The following TUBA8 variants were observed in gnomAD, a reference collection of about 807,000 sequenced individuals.
The protein encoded by TUBA8 is tubulin alpha-8 chain.
A neutral mutation model predicts 34.7 loss-of-function variants in TUBA8; 29 were observed. The ratio of observed to expected loss-of-function variants is 0.84; its 90% CI spans 0.62 to 1.14. The LOEUF is 1.14. Ranked by LOEUF, TUBA8 falls within the 50% of genes most tolerant of loss-of-function variation. The pLI, the probability that TUBA8 is intolerant of heterozygous loss-of-function variation, is 0.00. For missense variants in TUBA8, 541 were observed against 599.2 expected (o/e 0.90, Z 1.01); for synonymous variants, 226 against 231.2 (o/e 0.98, Z 0.21).
chr22:18,112,886 A>G (rs1350696317), intron 1 of TUBA8: 1 of 152,228 alleles, frequency 6.6e-6, no homozygotes, highest in African/African-American at 2.4e-5. Context: ...AAAATGACAC[A>G]TCTATAAACC....
intron 2 of TUBA8, chr22:18,123,113 A>C (rs796284374): frequency 1.6e-4 from 21 of 132,278 alleles, no homozygotes; most frequent in Middle Eastern, 3.9e-3. Context: ...CCGTCTCCAA[A>C]AAAAAAAAAA....
Position 18,126,270 on chromosome 22 carries a change from A to C in TUBA8, c.376-84A>C. 10 of 1,287,024 alleles carry C rather than the reference A, an allele frequency of 7.8e-6. No individual in the cohort carries two copies. Among genetic ancestry groups the C allele is most frequent in the Non-Finnish European group, 1.1e-5 (10 of 888,354 alleles). 79.7% of individuals were successfully genotyped at this position (1,287,024 alleles called of 1,614,324 possible). A position where few individuals can be genotyped will look rare whatever the true frequency, so the allele number is the denominator to read the frequency against. On this transcript the variant is annotated intron_variant, in intron 3 of 4. Coordinates refer to ENST00000330423, the MANE Select transcript of TUBA8 (RefSeq NM_018943.3). This position sits in a 1 kb window ranked among gnomAD's most constrained non-coding sequence, Gnocchi z 4.0. Reference sequence around the variant, plus strand: ...ATCCACAAAAAAATATGAGGCAGACAGAGTGGGCGGTCTGGCTTTTTTACT... The same window carrying C: ...ATCCACAAAAAAATATGAGGCAGACCGAGTGGGCGGTCTGGCTTTTTTACT...
intron 2 of TUBA8, 191 bp from the exon 3 acceptor site, chr22:18,123,965 T>TG: frequency 1.5e-6 from 1 of 670,978 alleles, no homozygotes. Flanking sequence ...CCACAGGCCT[T>TG]GGCTCTGTTA....
Position 18,119,641 on chromosome 22 carries a change from T to C in TUBA8, c.4-1838T>C, listed in dbSNP as rs755607502. 4.6e-5 allele frequency: 7 copies of C among 152,104 alleles called. No individual in the cohort carries two copies. The highest frequency in any genetic ancestry group is 1.0e-4 in the Non-Finnish European group (7 of 68,086). 9.4% of individuals were successfully genotyped at this position (152,104 alleles called of 1,614,324 possible). A position where few individuals can be genotyped will look rare whatever the true frequency, so the allele number is the denominator to read the frequency against. On this transcript the variant is annotated intron_variant, in intron 1 of 4. Coordinates refer to ENST00000330423, the MANE Select transcript of TUBA8 (RefSeq NM_018943.3). The surrounding 1 kb of genome is among the most constrained non-coding windows in gnomAD (Gnocchi z 5.9). ...TGCCCCACGCTCACCCCTGTGCTCA[T>C]CCTCCCTCAAGGCAAGGACCAGGTG...
At position 18,126,074 on chromosome 22, in the gene TUBA8, G is replaced by T. The variant is rs1928305541; in HGVS notation, c.376-280G>T. The T allele has an allele frequency of 4.2e-6, 2 of 478,390 alleles. No homozygotes were observed. The highest frequency in any genetic ancestry group is 3.8e-6 in the Non-Finnish European group (1 of 263,792). The allele number at this position is 478,390 out of a possible 1,614,324, so 29.6% of individuals were successfully genotyped here. ...TGCGAGGTCTCACTATGTTGCCCAT[G>T]CTGGTTGTGAACTCCTGGCCTCAAT... On this transcript the variant is annotated intron_variant, in intron 3 of 4. Transcript: ENST00000330423. This position sits in a 1 kb window ranked among gnomAD's most constrained non-coding sequence, Gnocchi z 4.0.
intron 1 of TUBA8, chr22:18,114,078 G>A (rs571724091): frequency 1.3e-5 from 2 of 152,290 alleles, no homozygotes; most frequent in African/African-American, 4.8e-5. Flanking sequence ...CAGACCAAAT[G>A]CTCCTTTTCC....
At position 18,111,340 on chromosome 22, in the gene TUBA8, T is replaced by C. The variant is rs1255207894; in HGVS notation, c.3+472T>C. ...TGACAGAGGACCTAGGGCGCCACGG[T>C]CCCCCCACGCGTGGAGGTCTTTCTC... On this transcript the variant is annotated intron_variant, in intron 1 of 4. Transcript: ENST00000330423. The surrounding 1 kb of genome is among the most constrained non-coding windows in gnomAD (Gnocchi z 5.1). 11 of 168,272 alleles carry C rather than the reference T, an allele frequency of 6.5e-5. No homozygotes were observed. Among genetic ancestry groups the C allele is most frequent in the Non-Finnish European group, 1.3e-4 (10 of 78,492 alleles). 10.4% of individuals were successfully genotyped at this position (168,272 alleles called of 1,614,324 possible). A position where few individuals can be genotyped will look rare whatever the true frequency, so the allele number is the denominator to read the frequency against.
chr22:18,124,104 G>A lies in TUBA8; in HGVS notation c.227-52G>A. 1 of 1,612,338 alleles carries A rather than the reference G, an allele frequency of 6.2e-7. No homozygotes were observed. Among genetic ancestry groups the A allele is most frequent in the Middle Eastern group, 1.7e-4 (1 of 6,002 alleles). On this transcript the variant is annotated intron_variant, in intron 2 of 4. Transcript: ENST00000330423. The surrounding 1 kb of genome is among the most constrained non-coding windows in gnomAD (Gnocchi z 4.3). ...GGGTCCTGCGGTAGTGTGGTAGGGA[G>A]GGAGGCTTCTCCCCTGGGCAGTAGG...
rs1157023242 is a variant in TUBA8 at position 18,118,099 on chromosome 22, G to A, written c.4-3380G>A. 6.6e-6 allele frequency: 1 copy of A among 152,174 alleles called. No homozygotes were observed. The highest frequency in any genetic ancestry group is 1.5e-5 in the Non-Finnish European group (1 of 68,034). 9.4% of individuals were successfully genotyped at this position (152,174 alleles called of 1,614,324 possible). On this transcript the variant is annotated intron_variant, in intron 1 of 4. Transcript: ENST00000330423. This position sits in a 1 kb window ranked among gnomAD's most constrained non-coding sequence, Gnocchi z 4.0. ...ATCGCGGCCTTAGGCTGGCGACCCTGGTAGTTACGTCCCCCCTTGTGACTA... is the reference window on the plus strand; with the variant it reads ...ATCGCGGCCTTAGGCTGGCGACCCTAGTAGTTACGTCCCCCCTTGTGACTA...
At position 18,111,374 on chromosome 22, in the gene TUBA8, G is replaced by A. The variant is rs1263157848; in HGVS notation, c.3+506G>A. ...GCGTGGAGGTCTTTCTCGCAAGCCTGGCCAGCGGCTTGGGTTTGCTGCACG... is the reference window on the plus strand; with the variant it reads ...GCGTGGAGGTCTTTCTCGCAAGCCTAGCCAGCGGCTTGGGTTTGCTGCACG... On this transcript the variant is annotated intron_variant, in intron 1 of 4. Coordinates refer to ENST00000330423, the MANE Select transcript of TUBA8 (RefSeq NM_018943.3). The surrounding 1 kb of genome is among the most constrained non-coding windows in gnomAD (Gnocchi z 5.1). 6.2e-6 allele frequency: 1 copy of A among 160,970 alleles called. No individual in the cohort carries two copies. The highest frequency in any genetic ancestry group is 1.4e-5 in the Non-Finnish European group (1 of 73,444). The allele number at this position is 160,970 out of a possible 1,614,324, so 10.0% of individuals were successfully genotyped here.
At chr22:18,130,645 C>T in intron 4 of TUBA8, 198 bp from the exon 5 acceptor site, 1 of 643,492 alleles carries the variant, frequency 1.6e-6, no homozygotes, top group Non-Finnish European at 2.7e-6. Flanking sequence ...CTGCCTGCTT[C>T]CACTTTCTCT....
chr22:18,121,292 C>T lies in TUBA8; in HGVS notation c.4-187C>T, dbSNP rs1428219674. ...ACCTTTAGAGCAAAGCACAAAACAGCTGTGTCTTCTTTGGATCTAAGTCCT... is the reference window on the plus strand; with the variant it reads ...ACCTTTAGAGCAAAGCACAAAACAGTTGTGTCTTCTTTGGATCTAAGTCCT... On this transcript the variant is annotated intron_variant, in intron 1 of 4. Transcript: ENST00000330423. This position sits in a 1 kb window ranked among gnomAD's most constrained non-coding sequence, Gnocchi z 4.8. The T allele has an allele frequency of 1.6e-6, 1 of 618,102 alleles. No homozygotes were observed. Among genetic ancestry groups the T allele is most frequent in the East Asian group, 2.8e-5 (1 of 36,048 alleles). 38.3% of individuals were successfully genotyped at this position (618,102 alleles called of 1,614,324 possible).
intron 4 of TUBA8, 67 bp downstream of exon 4, chr22:18,127,101 G>A (rs1474538353): frequency 2.5e-5 from 39 of 1,542,400 alleles, no homozygotes; most frequent in Admixed American, 6.8e-5. Flanking sequence ...CCAAGGATAT[G>A]CAATTCCATG....
At chr22:18,123,437 A>G (rs1246647804) in intron 2 of TUBA8, 3 of 151,296 alleles carry the variant, frequency 2.0e-5, no homozygotes, top group Admixed American at 6.6e-5. Flanking sequence ...TTGTATTTTC[A>G]GTAGAGACAT....
At position 18,111,344 on chromosome 22, in the gene TUBA8, C is replaced by T. The variant is rs182411089; in HGVS notation, c.3+476C>T. ...AGAGGACCTAGGGCGCCACGGTCCCCCCACGCGTGGAGGTCTTTCTCGCAA... is the reference window on the plus strand; with the variant it reads ...AGAGGACCTAGGGCGCCACGGTCCCTCCACGCGTGGAGGTCTTTCTCGCAA... On this transcript the variant is annotated intron_variant, in intron 1 of 4. Transcript: ENST00000330423. The surrounding 1 kb of genome is among the most constrained non-coding windows in gnomAD (Gnocchi z 5.1). 7.3e-4 allele frequency: 123 copies of T among 167,906 alleles called. No homozygotes were observed. Among genetic ancestry groups the T allele is most frequent in the African/African-American group, 2.6e-3 (108 of 41,894 alleles). The allele number at this position is 167,906 out of a possible 1,614,324, so 10.4% of individuals were successfully genotyped here.
At chr22:18,127,398 T>TC (rs989029779) in intron 4 of TUBA8, 2 of 189,398 alleles carry the variant, frequency 1.1e-5, no homozygotes, top group African/African-American at 4.8e-5. Context: ...AGTTTTGTTT[T>TC]TTTTTTTTTT....
In TUBA8 at chr22:18,124,315, G is replaced by A; in HGVS notation, c.375+11G>A. On this transcript the variant is annotated intron_variant, in intron 3 of 4. Transcript: ENST00000330423. The surrounding 1 kb of genome is among the most constrained non-coding windows in gnomAD (Gnocchi z 4.3). ...CGCATACGGAAGCTGGTAAGATCAGGAGGGCAGGGGACGGGTGGGTCAGGC... is the reference window on the plus strand; with the variant it reads ...CGCATACGGAAGCTGGTAAGATCAGAAGGGCAGGGGACGGGTGGGTCAGGC... 6.2e-7 allele frequency: 1 copy of A among 1,611,166 alleles called. No homozygotes were observed.
At position 18,126,476 on chromosome 22, in the gene TUBA8, GC is replaced by G; in HGVS notation, c.499del (p.Leu167TrpfsTer23). ...LSLDYGKKSKLEFAIYPAPQV... is the reference protein window; with the variant it reads ...LSLDYGKKSKXEFAIYPAPQV... ...CCCTGGATTATGGCAAGAAATCCAA[GC>G]TGGAGTTTGCCATCTACCCAGCCCC... On this transcript the variant is annotated frameshift_variant, in exon 4 of 5. Coordinates refer to ENST00000330423, the MANE Select transcript of TUBA8 (RefSeq NM_018943.3). LOFTEE classifies it high-confidence loss of function. This position sits in a 1 kb window ranked among gnomAD's most constrained non-coding sequence, Gnocchi z 4.0. The G allele has an allele frequency of 6.2e-7, 1 of 1,614,044 alleles. No individual in the cohort carries two copies. Among genetic ancestry groups the G allele is most frequent in the Non-Finnish European group, 8.5e-7 (1 of 1,180,012 alleles).
At chr22:18,112,884 A>T (rs184893058) in intron 1 of TUBA8, 1 of 152,314 alleles carries the variant, frequency 6.6e-6, no homozygotes, top group Admixed American at 6.5e-5. Context: ...CTAAAATGAC[A>T]CATCTATAAA....
Sources: allele counts gnomAD v4.1 joint callset, GRCh38; gene constraint gnomAD v4.1.1; non-coding constraint Gnocchi (gnomAD v3.1); transcripts MANE v1.5; gene names NCBI Gene and HGNC (gene_info 2026-07-23, HGNC 2026-07-21).